YAP1: variants seen among roughly 807,000 people sequenced by gnomAD.
YAP1 encodes the protein transcriptional coactivator YAP1.
In YAP1, 5 loss-of-function variants were observed where a neutral mutation model predicts 56.9. The observed-to-expected ratio is 0.09, with a 90% CI of 0.05 to 0.18. The LOEUF (loss-of-function observed/expected upper bound fraction) is 0.18, where lower values mean the gene tolerates loss of function less well. Among genes scored for constraint, YAP1 ranks in the 10% least tolerant of loss-of-function variants. The probability of loss-of-function intolerance (pLI) is 1.00; values close to 1 mark genes in which losing one functional copy is unlikely to be tolerated. For missense variants in YAP1, 539 were observed against 651.8 expected, an observed-to-expected ratio of 0.83 and a Z score of 1.88; for synonymous variants, 265 against 248.1, an observed-to-expected ratio of 1.07 and a Z score of -0.64.
At chr11:102,179,933 A>G (rs1947484651) in intron 3 of YAP1, among the ~76,000 whole-genome samples, 1 of 152,170 alleles carries the variant, frequency 6.6e-6, no homozygotes, top group African/African-American at 2.4e-5. Flanking sequence ...CATAGAAAGA[A>G]TGAAACAATA....
At position 102,110,878 on chromosome 11, in the gene YAP1, A is replaced by G. The variant is rs981664113; in HGVS notation, c.30A>G (p.Gln10=). MDPGQQPPP[Q]PAPQGQGQPP... Reference sequence around the variant, plus strand: ...ATCCCGGGCAGCAGCCGCCGCCTCAACCGGCCCCCCAGGGCCAAGGGCAGC... The same window carrying G: ...ATCCCGGGCAGCAGCCGCCGCCTCAGCCGGCCCCCCAGGGCCAAGGGCAGC... The change falls in exon 1 of 9, where the codon CAA becomes CAG. Residue 10 remains glutamine, a synonymous_variant. Coordinates refer to ENST00000282441, the MANE Select transcript of YAP1 (RefSeq NM_001130145.3). The G allele has an allele frequency of 3.2e-5, 45 of 1,421,618 alleles. No homozygotes were observed. Among genetic ancestry groups the G allele is most frequent in the Non-Finnish European group, 3.9e-5 (42 of 1,085,456 alleles). 88.1% of individuals were successfully genotyped at this position (1,421,618 alleles called of 1,614,324 possible). A position where few individuals can be genotyped will look rare whatever the true frequency, so the allele number is the denominator to read the frequency against.
chr11:102,144,855 A>AACACAC (rs565769543), intron 2 of YAP1, among the ~76,000 whole-genome samples: 4 of 100,936 alleles, frequency 4.0e-5, no homozygotes, highest in African/African-American at 1.1e-4. Flanking sequence ...CTTTGGCCAA[A>AACACAC]ACACACACAC....
intron 2 of YAP1, among the ~76,000 whole-genome samples, chr11:102,151,773 A>G (rs1945670118): frequency 6.6e-6 from 1 of 152,030 alleles, no homozygotes; most frequent in Non-Finnish European, 1.5e-5. Flanking sequence ...GAGGGTTGGG[A>G]TTGTGGAGAG....
intron 2 of YAP1, among the ~76,000 whole-genome samples, chr11:102,142,908 T>C (rs1945101549): frequency 1.3e-5 from 2 of 152,234 alleles, no homozygotes; most frequent in Admixed American, 6.5e-5. Flanking sequence ...GCATTTGATA[T>C]TACTGCTTTG....
At chr11:102,179,852 T>C (rs778790250) in intron 3 of YAP1, among the ~76,000 whole-genome samples, 2 of 152,106 alleles carry the variant, frequency 1.3e-5, no homozygotes, top group Non-Finnish European at 2.9e-5. Flanking sequence ...ACTTGTTGAG[T>C]AAAAGTATTT....
chr11:102,120,943 G>A (rs1006154388), intron 2 of YAP1, among the ~76,000 whole-genome samples: 4 of 152,198 alleles, frequency 2.6e-5, no homozygotes, highest in Non-Finnish European at 5.9e-5. Context: ...CACCTAGGAG[G>A]TGAAGCAAGA....
intron 2 of YAP1, among the ~76,000 whole-genome samples, chr11:102,161,686 T>C (rs1946300335): frequency 4.6e-5 from 7 of 152,204 alleles, no homozygotes; most frequent in South Asian, 2.1e-4. Flanking sequence ...AGTTTTTCTT[T>C]CATTGAAACA....
At chr11:102,135,515 T>G (rs1944626662) in intron 2 of YAP1, among the ~76,000 whole-genome samples, 1 of 152,172 alleles carries the variant, frequency 6.6e-6, no homozygotes, top group South Asian at 2.1e-4. Context: ...CCAGAGTGTG[T>G]GTACATGGCC....
intron 3 of YAP1, among the ~76,000 whole-genome samples, chr11:102,165,944 G>C (rs972134507): frequency 6.6e-6 from 1 of 152,250 alleles, no homozygotes; most frequent in African/African-American, 2.4e-5. Context: ...TGTTTAAGGA[G>C]GCCTTGTTTC....
chr11:102,141,979 A>C (rs1178416243), intron 2 of YAP1, among the ~76,000 whole-genome samples: 1 of 152,250 alleles, frequency 6.6e-6, no homozygotes, highest in Non-Finnish European at 1.5e-5. Flanking sequence ...TGTGAAATTC[A>C]ATAGATTTCC....
intron 3 of YAP1, among the ~76,000 whole-genome samples, chr11:102,163,227 C>T (rs1441949774): frequency 6.6e-6 from 1 of 152,106 alleles, no homozygotes; most frequent in African/African-American, 2.4e-5. Context: ...TTCTCATCTA[C>T]ATAATGGGGA....
intron 2 of YAP1, among the ~76,000 whole-genome samples, chr11:102,136,820 A>C (rs1372570293): frequency 6.6e-6 from 1 of 152,162 alleles, no homozygotes; most frequent in Non-Finnish European, 1.5e-5. Flanking sequence ...TTCTGTCCGT[A>C]ATAGTTGCAT....
chr11:102,132,511 G>A (rs1210373164), intron 2 of YAP1, among the ~76,000 whole-genome samples: 1 of 152,180 alleles, frequency 6.6e-6, no homozygotes, highest in East Asian at 1.9e-4. Flanking sequence ...GAGACAGATT[G>A]TTTCAAAGTG....
intron 4 of YAP1, 46 bp from the exon 5 acceptor site, chr11:102,205,847 C>T: frequency 6.9e-7 from 1 of 1,445,908 alleles, no homozygotes. Flanking sequence ...TTTTATCTTC[C>T]TTCACTAGTT....
chr11:102,193,100 C>T lies in YAP1; in HGVS notation c.802+6969C>T, dbSNP rs77663601. On this transcript the variant is annotated intron_variant, in intron 4 of 8. Coordinates refer to ENST00000282441, the MANE Select transcript of YAP1 (RefSeq NM_001130145.3). ...AAAATTTAAAACTCCCATAAAGTTG[C>T]CATGACAGAAAGTCTAATGTAAGCA... Among the ~76,000 whole-genome samples, 932 of 152,284 alleles carry T rather than the reference C, an allele frequency of 6.1e-3. 5 individuals are homozygous for T. The highest frequency in any genetic ancestry group is 9.7e-3 in the Admixed American group (148 of 15,284).
intron 4 of YAP1, among the ~76,000 whole-genome samples, chr11:102,195,799 G>A (rs1412306808): frequency 6.6e-6 from 1 of 152,010 alleles, no homozygotes; most frequent in African/African-American, 2.4e-5. Context: ...CCCAGTCTTG[G>A]GTATGTCTTT....
intron 2 of YAP1, among the ~76,000 whole-genome samples, chr11:102,161,531 A>G (rs1946292446): frequency 6.6e-6 from 1 of 152,158 alleles, no homozygotes; most frequent in African/African-American, 2.4e-5. Context: ...TGTTTAACCA[A>G]TTCCCTATCA....
Position 102,111,086 on chromosome 11 carries a change from G to C in YAP1, c.238G>C (p.Val80Leu). The C allele has an allele frequency of 6.2e-7, 1 of 1,613,358 alleles. No individual in the cohort carries two copies. The highest frequency in any genetic ancestry group is 2.2e-5 in the East Asian group (1 of 44,762). Residue 80 changes from valine to leucine, a missense_variant, in exon 1 of 9, where the codon GTG (valine) becomes CTG (leucine). Transcript: ENST00000282441. ...NAVMNPKTAN[V>L]PQTVPMRLRK... ...CGTCATGAACCCCAAGACGGCCAAC[G>C]TGCCCCAGACCGTGCCCATGAGGCT...
intron 2 of YAP1, among the ~76,000 whole-genome samples, chr11:102,160,011 A>C (rs1276286175): frequency 6.9e-6 from 1 of 145,964 alleles, no homozygotes; most frequent in Non-Finnish European, 1.5e-5. Context: ...CCTGATTTAC[A>C]TAAAGGATTT....
Sources: gnomAD v4.1 joint callset for allele counts (sites outside exome capture counted in the v4.1 genomes callset) on GRCh38, gnomAD v4.1.1 for gene constraint, MANE v1.5 for transcripts, NCBI Gene and HGNC (gene_info 2026-07-23, HGNC 2026-07-21) for gene names.